The following CCDC38 variants were observed in gnomAD, a reference collection of about 807,000 sequenced individuals.
CCDC38 encodes coiled-coil domain containing 38.
CCDC38 carries 69 observed loss-of-function variants against 72.8 expected under a neutral mutation model. The observed-to-expected ratio is 0.95, with a 90% CI of 0.78 to 1.16. The LOEUF (loss-of-function observed/expected upper bound fraction) is 1.16. CCDC38 is among the 50% of genes most tolerant of loss of function. The pLI is 0.00. For missense variants in CCDC38, 626 were observed against 638.9 expected (o/e 0.98, Z 0.22); for synonymous variants, 201 against 213.2 (o/e 0.94, Z 0.50).
rs2079673178 is a variant in CCDC38 at position 95,879,449 on chromosome 12, G to T, written c.1142+195C>A. On this transcript the variant is annotated intron_variant, in intron 12 of 15. Coordinates refer to ENST00000344280, the MANE Select transcript of CCDC38 (RefSeq NM_182496.3). This position sits in a 1 kb window ranked among gnomAD's most constrained non-coding sequence, Gnocchi z 5.5. ...AAAATACGTTGACAAGTGAAAGGAA[G>T]TAGGGACAAAATTAAAGCCAGTCTA... is the stretch of plus-strand genomic sequence containing the variant. Among the ~76,000 whole-genome samples, 1 of 152,166 alleles carries T rather than the reference G, an allele frequency of 6.6e-6. No homozygotes were observed. Among genetic ancestry groups the T allele is most frequent in the South Asian group, 2.1e-4 (1 of 4,836 alleles).
chr12:95,898,502 GAAACAAAC>G (rs60008366), intron 6 of CCDC38, 37 bp from the exon 7 acceptor site: 110 of 1,608,410 alleles, frequency 6.8e-5, no homozygotes, highest in South Asian at 2.8e-4. Context: ...TTGCTTCTTA[GAAACAAAC>G]AAACAAACAA....
intron 4 of CCDC38, among the ~76,000 whole-genome samples, chr12:95,907,755 C>A (rs1424096453): frequency 1.3e-5 from 2 of 151,102 alleles, no homozygotes; most frequent in Non-Finnish European, 2.9e-5. Context: ...GGTCTCCTCA[C>A]TTCTCAGACG....
intron 13 of CCDC38, among the ~76,000 whole-genome samples, chr12:95,877,903 A>T (rs1034118133): frequency 2.0e-5 from 3 of 152,224 alleles, no homozygotes; most frequent in Non-Finnish European, 2.9e-5. Context: ...AAATGATAAC[A>T]CACAGTGAAC....
intron 13 of CCDC38, among the ~76,000 whole-genome samples, chr12:95,875,881 C>A (rs2079630606): frequency 6.6e-6 from 1 of 151,996 alleles, no homozygotes. Flanking sequence ...TAAAGAGTAT[C>A]AAAAATGCCG....
Position 95,881,564 on chromosome 12 carries a change from AAAAAAG to A in CCDC38, c.921-16_921-11del, listed in dbSNP as rs1264301495. 1 of 1,603,692 alleles carries A rather than the reference AAAAAAG, an allele frequency of 6.2e-7. No individual in the cohort carries two copies. The highest frequency in any genetic ancestry group is 2.3e-5 in the East Asian group (1 of 44,386). On this transcript the variant is annotated splice_polypyrimidine_tract_variant and intron_variant, in intron 10 of 15. Transcript: ENST00000344280. ...GAAACTTTCAGCCAGGCTGTAAAAG[AAAAAAG>A]AAAAAGAAAATGTCTGATTTGTGAG...
intron 1 of CCDC38, among the ~76,000 whole-genome samples, chr12:95,939,194 G>A (rs1399634874): frequency 1.3e-5 from 2 of 152,196 alleles, no homozygotes; most frequent in Non-Finnish European, 2.9e-5. Context: ...CACATGGAGA[G>A]GTGCACTCTG....
intron 4 of CCDC38, among the ~76,000 whole-genome samples, chr12:95,907,960 G>C (rs1335969653): frequency 1.3e-5 from 2 of 151,396 alleles, no homozygotes; most frequent in Admixed American, 6.6e-5. Context: ...TTCCAGACTG[G>C]GCAGCCAGGC....
rs1334442078 is a variant in CCDC38 at position 95,898,733 on chromosome 12, TA to T, written c.370-3del. On this transcript the variant is annotated splice_polypyrimidine_tract_variant and splice_region_variant and intron_variant, in intron 5 of 15. Transcript: ENST00000344280. ...GTTTCTTTTGGTTGACAAAGCATAC[TA>T]GGGGCATTGAAGACAGAGGTGTAAA... The T allele has an allele frequency of 1.9e-6, 3 of 1,612,756 alleles. No homozygotes were observed. Among genetic ancestry groups the T allele is most frequent in the Admixed American group, 1.7e-5 (1 of 59,574 alleles).
intron 4 of CCDC38, among the ~76,000 whole-genome samples, chr12:95,912,870 G>A (rs1007318174): frequency 6.6e-6 from 1 of 152,094 alleles, no homozygotes; most frequent in African/African-American, 2.4e-5. Flanking sequence ...GACCAACCTG[G>A]ACAACATGGC....
chr12:95,890,864 G>A lies in CCDC38; in HGVS notation c.839C>T (p.Ser280Leu). 2 of 1,607,062 alleles carry A rather than the reference G, an allele frequency of 1.2e-6. No homozygotes were observed. Among genetic ancestry groups the A allele is most frequent in the Non-Finnish European group, 8.5e-7 (1 of 1,175,124 alleles). ...LEESGRTAVL[S>L]EDASQGRDSQ... ...GTCTCTTCCCTGAGAAGCATCTTCT[G>A]AAAGGACAGCTGTCCTCCCGGACTC... Residue 280 changes from serine (S) to leucine (L), a missense_variant, in exon 9 of 16, where the codon TCA (serine) becomes TTA (leucine). By Grantham distance (145) the Ser-to-Leu change is moderately radical (BLOSUM62 -2). Coordinates refer to ENST00000344280, the MANE Select transcript of CCDC38 (RefSeq NM_182496.3).
Position 95,915,183 on chromosome 12 carries a change from A to G in CCDC38, c.304+1946T>C, listed in dbSNP as rs73373132. On this transcript the variant is annotated intron_variant, in intron 4 of 15. Transcript: ENST00000344280. The stretch of plus-strand genomic sequence containing the variant: ...CTTCAACTCTAAGTAGACTCGTTAT[A>G]GTGAGTTTCCCATTTTGGCTATTCT... Among the ~76,000 whole-genome samples the G allele has an allele frequency of 4.0e-3, 615 of 152,324 alleles. 2 individuals carry two copies. The highest frequency in any genetic ancestry group is 0.014 in the African/African-American group (594 of 41,580).
At chr12:95,921,512 G>A (rs10859982) in intron 2 of CCDC38, among the ~76,000 whole-genome samples, 79,868 of 151,878 alleles carry the variant, frequency 0.53, 21,644 homozygotes, top group East Asian at 0.92. Flanking sequence ...GCATGAAGGA[G>A]GAACTTCCAA....
At position 95,869,467 on chromosome 12, in the gene CCDC38, T is replaced by G. The variant is rs1267875106; in HGVS notation, c.1578+13A>C. On this transcript the variant is annotated intron_variant, in intron 15 of 15. Coordinates refer to ENST00000344280, the MANE Select transcript of CCDC38 (RefSeq NM_182496.3). ...ATATTGATATGGCTGGATCTATTAA[T>G]AGCAAAACAAACCTTTTTCTTTGGT... is the stretch of plus-strand genomic sequence containing the variant. The G allele has an allele frequency of 6.9e-6, 11 of 1,604,182 alleles. No individual in the cohort carries two copies. Among genetic ancestry groups the G allele is most frequent in the African/African-American group, 1.3e-5 (1 of 74,566 alleles).
intron 1 of CCDC38, among the ~76,000 whole-genome samples, chr12:95,939,088 T>C (rs879621924): frequency 2.6e-5 from 4 of 152,232 alleles, no homozygotes; most frequent in African/African-American, 4.8e-5. Context: ...AGAGGAATGA[T>C]GCAAATAGTA....
chr12:95,913,813 T>C (rs2080118252), intron 4 of CCDC38, among the ~76,000 whole-genome samples: 1 of 151,568 alleles, frequency 6.6e-6, no homozygotes, highest in Admixed American at 6.6e-5. Context: ...TTAATAAATG[T>C]TAATTGGGAG....
chr12:95,907,280 C>A (rs1444414783), intron 4 of CCDC38, among the ~76,000 whole-genome samples: 1 of 142,804 alleles, frequency 7.0e-6, no homozygotes, highest in Non-Finnish European at 1.5e-5. Context: ...ACCTTTCCCC[C>A]CTTTCTATTC....
intron 2 of CCDC38, chr12:95,933,299 T>A (rs1469340572): frequency 2.0e-5 from 3 of 152,130 alleles, no homozygotes; most frequent in Admixed American, 2.0e-4. Context: ...AGAGATGACA[T>A]AATTGGGATA....
In CCDC38 at chr12:95,923,509, A is replaced by AGATTCTGCCCTATCCC. The variant is rs1480719873; in HGVS notation, c.38-4549_38-4534dup. Among the ~76,000 whole-genome samples the AGATTCTGCCCTATCCC allele has an allele frequency of 3.3e-5, 5 of 152,026 alleles. No homozygotes were observed. The South Asian group carries it at 1.0e-3, about 32-fold the overall frequency. On this transcript the variant is annotated intron_variant, in intron 2 of 15. Coordinates refer to ENST00000344280, the MANE Select transcript of CCDC38 (RefSeq NM_182496.3). ...CTTCCAAGAGAAACTCTACAAACTT[A>AGATTCTGCCCTATCCC]GATTCTGCCCTATCCCAAGTGTCTT...
In CCDC38 at chr12:95,872,359, T is replaced by A. The variant is rs1156534700; in HGVS notation, c.1380A>T (p.Val460=). ...GTTCTACCAGGCGAGATTCTACTTT[T>A]ACCAGCTTTTGAATTGGGTTGAGGC... is the stretch of plus-strand genomic sequence containing the variant. The part of the protein sequence containing the change: ...DDGLNPIQKL[V]KVESRLVELC... The change falls in exon 14 of 16, where the codon GTA becomes GTT. Residue 460 remains valine (V), a synonymous_variant. Coordinates refer to ENST00000344280, the MANE Select transcript of CCDC38 (RefSeq NM_182496.3). 1 of 1,614,220 alleles carries A rather than the reference T, an allele frequency of 6.2e-7. No homozygotes were observed. Among genetic ancestry groups the A allele is most frequent in the East Asian group, 2.2e-5 (1 of 44,884 alleles).
Sources: gnomAD v4.1 joint callset for allele counts (sites outside exome capture counted in the v4.1 genomes callset) on GRCh38, gnomAD v4.1.1 for gene constraint, Gnocchi (gnomAD v3.1) non-coding constraint, MANE v1.5 for transcripts, NCBI Gene and HGNC (gene_info 2026-07-23, HGNC 2026-07-21) for gene names.